Variants in ANKRD11 observed in about 807,000 individuals in gnomAD.
The protein encoded by ANKRD11 is ankyrin repeat domain-containing protein 11.
ANKRD11 carries 17 observed loss-of-function variants against 195.7 expected under a neutral mutation model. The observed-to-expected ratio is 0.09, with a 90% confidence interval of 0.06 to 0.13. The LOEUF is 0.13. Among genes scored for constraint, ANKRD11 ranks in the 10% least tolerant of loss-of-function variants. The pLI is 1.00. For synonymous variants in ANKRD11, 1,953 were observed against 1,528.1 expected (o/e 1.28, Z -6.49); for missense variants, 3,735 against 3,566.1 (o/e 1.05, Z -1.21).
intron 1 of ANKRD11, among the ~76,000 whole-genome samples, chr16:89,468,000 G>C (rs1056981446): frequency 6.6e-6 from 1 of 151,032 alleles, no homozygotes; most frequent in African/African-American, 2.4e-5. Flanking sequence ...GACGGGGTTT[G>C]GTTATGTTGG....
rs150481321 is a variant in ANKRD11, at chr16:89,440,059, A to G, written c.-144-21691T>C. On this transcript the variant is annotated intron_variant, in intron 1 of 12. Coordinates refer to ENST00000301030, the MANE Select transcript of ANKRD11 (RefSeq NM_013275.6). ...TGACAAAGAATCAGAGACTCAGAGGAGATCACAGCCTTTCAGGACTGAGGT... is the reference window on the plus strand; with the variant it reads ...TGACAAAGAATCAGAGACTCAGAGGGGATCACAGCCTTTCAGGACTGAGGT... 1.5e-4 allele frequency among the ~76,000 whole-genome samples: 23 copies of G among 152,300 alleles called. No homozygotes were observed. In the East Asian group the frequency reaches 4.1e-3, roughly 27 times the overall value.
At position 89,490,413 on chromosome 16, in the gene ANKRD11, GC is replaced by G. The variant is rs1382933135; in HGVS notation, c.-314del. ...AGCTGCGAGGGACGGCGGGAGGCGA[GC>G]CCGCCCCTCGGGCGCGCCCACGGCT... On this transcript the variant is annotated 5_prime_UTR_variant, in exon 1 of 13. Transcript: ENST00000301030. The G allele has an allele frequency of 7.0e-6, 2 of 287,466 alleles. No individual in the cohort carries two copies. The highest frequency in any genetic ancestry group is 1.3e-5 in the Non-Finnish European group (2 of 155,208). 17.8% of individuals were successfully genotyped at this position (287,466 alleles called of 1,614,324 possible). A position where few individuals can be genotyped will look rare whatever the true frequency, so the allele number is the denominator to read the frequency against.
intron 2 of ANKRD11, among the ~76,000 whole-genome samples, chr16:89,364,578 T>C (rs1207554968): frequency 6.6e-6 from 1 of 152,224 alleles, no homozygotes; most frequent in Non-Finnish European, 1.5e-5. Context: ...GTCCAATCTT[T>C]TGACCTCCCT....
chr16:89,278,946 TG>T, intron 9 of ANKRD11, 125 bp downstream of exon 9: 1 of 1,435,432 alleles, frequency 7.0e-7, no homozygotes, highest in Non-Finnish European at 9.6e-7. Context: ...TCTCCTCAGG[TG>T]GCAGAAGGTC....
chr16:89,465,115 G>A (rs949433568), intron 1 of ANKRD11, among the ~76,000 whole-genome samples: 1 of 152,244 alleles, frequency 6.6e-6, no homozygotes, highest in African/African-American at 2.4e-5. Flanking sequence ...CTCGTTTTAA[G>A]TGTGGCCCCG....
intron 3 of ANKRD11, among the ~76,000 whole-genome samples, chr16:89,314,842 A>G (rs942202281): frequency 6.6e-6 from 1 of 152,122 alleles, no homozygotes; most frequent in Non-Finnish European, 1.5e-5. Flanking sequence ...CCCTTACCCT[A>G]AAACCTGCGG....
At chr16:89,463,933 A>G (rs1048805037) in intron 1 of ANKRD11, among the ~76,000 whole-genome samples, 4 of 152,226 alleles carry the variant, frequency 2.6e-5, no homozygotes, top group Non-Finnish European at 4.4e-5. Flanking sequence ...ATAGTACTGT[A>G]GTACTATTAG....
rs2033513922 is a variant in ANKRD11, at chr16:89,274,964, G to A, written c.7570-7C>T. 3.1e-6 allele frequency: 5 copies of A among 1,613,192 alleles called. No individual in the cohort carries two copies. The highest frequency in any genetic ancestry group is 3.4e-6 in the Non-Finnish European group (4 of 1,179,986). On this transcript the variant is annotated splice_polypyrimidine_tract_variant and splice_region_variant and intron_variant, in intron 10 of 12. Coordinates refer to ENST00000301030, the MANE Select transcript of ANKRD11 (RefSeq NM_013275.6). Reference sequence around the variant, plus strand: ...AGGATACGATCAGCTTCTCCTGAAGGAGGAGAGGAGTAGAGTGAGCTGGGA... The same window carrying A: ...AGGATACGATCAGCTTCTCCTGAAGAAGGAGAGGAGTAGAGTGAGCTGGGA...
At chr16:89,370,356 C>A (rs751809530) in intron 2 of ANKRD11, among the ~76,000 whole-genome samples, 22 of 152,128 alleles carry the variant, frequency 1.4e-4, no homozygotes, top group Non-Finnish European at 2.6e-4. Flanking sequence ...GAAGGGGAGA[C>A]AGGCGTGCCC....
intron 2 of ANKRD11, among the ~76,000 whole-genome samples, chr16:89,356,329 A>T: frequency 6.9e-6 from 1 of 144,676 alleles, no homozygotes; most frequent in East Asian, 2.1e-4. Flanking sequence ...TCTCGGTGGC[A>T]AGCCATCCGC....
At chr16:89,466,457 C>G (rs1346757363) in intron 1 of ANKRD11, among the ~76,000 whole-genome samples, 1 of 152,100 alleles carries the variant, frequency 6.6e-6, no homozygotes, top group Non-Finnish European at 1.5e-5. Context: ...AATCACTAAA[C>G]TGTGAGCTGT....
intron 2 of ANKRD11, among the ~76,000 whole-genome samples, chr16:89,394,246 T>C (rs1382361775): frequency 1.3e-5 from 2 of 152,198 alleles, no homozygotes; most frequent in Admixed American, 6.5e-5. Context: ...AGTTCCACAG[T>C]GGTCTCCCAT....
At chr16:89,341,902 C>G (rs867441780) in intron 2 of ANKRD11, among the ~76,000 whole-genome samples, 1,406 of 54,482 alleles carry the variant, frequency 0.026, no homozygotes, top group Middle Eastern at 0.076. Flanking sequence ...GCACCTCCAC[C>G]CACAGCGGCC....
chr16:89,402,247 G>A (rs1427663850), intron 2 of ANKRD11, among the ~76,000 whole-genome samples: 4 of 152,128 alleles, frequency 2.6e-5, no homozygotes, highest in Admixed American at 2.6e-4. Flanking sequence ...TTATATCTGG[G>A]TGCCTACACG....
chr16:89,338,875 CTTGGAGCA>C (rs1157300421), intron 2 of ANKRD11, among the ~76,000 whole-genome samples: 8 of 152,028 alleles, frequency 5.3e-5, no homozygotes, highest in African/African-American at 1.7e-4. Flanking sequence ...CAAATGAATA[CTTGGAGCA>C]AAATAAGCCT....
chr16:89,282,975 C>T lies in ANKRD11; in HGVS notation c.3567G>A (p.Gly1189=), dbSNP rs1430844883. ...TTTTGTCTCTCCCCGCGTCGGCAGC[C>T]CCTCGGTCCTTTCTCCTGTCTCTGG... ...KEPRDRRKDR[G]AADAGRDKKE... Residue 1189 remains glycine, a synonymous_variant, in exon 9 of 13, where the codon GGG becomes GGA. Transcript: ENST00000301030. 1 of 1,613,614 alleles carries T rather than the reference C, an allele frequency of 6.2e-7. No individual in the cohort carries two copies. The highest frequency in any genetic ancestry group is 8.5e-7 in the Non-Finnish European group (1 of 1,180,006).
At chr16:89,369,865 C>T (rs1164355893) in intron 2 of ANKRD11, among the ~76,000 whole-genome samples, 1 of 152,220 alleles carries the variant, frequency 6.6e-6, no homozygotes, top group Non-Finnish European at 1.5e-5. Flanking sequence ...GTACAAGGGA[C>T]TGCTCCCTGT....
At chr16:89,476,303 C>T (rs980504523) in intron 1 of ANKRD11, among the ~76,000 whole-genome samples, 9 of 152,304 alleles carry the variant, frequency 5.9e-5, no homozygotes, top group African/African-American at 1.9e-4. Context: ...TAACCCACCA[C>T]AATCGGGATG....
At position 89,440,194 on chromosome 16, in the gene ANKRD11, C is replaced by T. The variant is rs916925803; in HGVS notation, c.-144-21826G>A. Among the ~76,000 whole-genome samples the T allele has an allele frequency of 6.6e-5, 10 of 152,192 alleles. No homozygotes were observed. The East Asian group carries it at 9.6e-4, about 15-fold the overall frequency. ...GGCAGGGTTCACAGGATTCTTCCTCCGGAAGAATTCAGTGTGCTGTAATTA... is the reference window on the plus strand; with the variant it reads ...GGCAGGGTTCACAGGATTCTTCCTCTGGAAGAATTCAGTGTGCTGTAATTA... On this transcript the variant is annotated intron_variant, in intron 1 of 12. Transcript: ENST00000301030.
Sources: allele counts gnomAD v4.1 joint callset (sites outside exome capture counted in the v4.1 genomes callset), GRCh38; gene constraint gnomAD v4.1.1; transcripts MANE v1.5; gene names NCBI Gene and HGNC (gene_info 2026-07-23, HGNC 2026-07-21).